The following RTN3 variants were observed in gnomAD, a reference collection of about 807,000 sequenced individuals.
The protein encoded by RTN3 is reticulon-3.
In RTN3, 49 loss-of-function variants were observed where a neutral mutation model predicts 77.8. The ratio of observed to expected loss-of-function variants is 0.63; its 90% CI spans 0.50 to 0.80. The LOEUF is 0.80. Ranked by LOEUF, RTN3 falls within the 30% of genes least tolerant of loss-of-function variation. The pLI is 0.00. For missense variants in RTN3, 1,236 were observed against 1,211.9 expected, an observed-to-expected ratio of 1.02 and a Z score of -0.29; for synonymous variants, 464 against 446.9, an observed-to-expected ratio of 1.04 and a Z score of -0.48.
At chr11:63,736,613 G>A (rs530520723) in intron 3 of RTN3, among the ~76,000 whole-genome samples, 4 of 152,228 alleles carry the variant, frequency 2.6e-5, no homozygotes, top group East Asian at 3.9e-4. Context: ...GCTTGAACCC[G>A]GGAGGCGGAG....
At chr11:63,698,629 T>A (rs1212483476) in intron 1 of RTN3, 1 of 173,126 alleles carries the variant, frequency 5.8e-6, no homozygotes, top group Non-Finnish European at 1.4e-5. Context: ...AATCTCAGCA[T>A]ACCTGGGAAA....
At position 63,720,806 on chromosome 11, in the gene RTN3, G is replaced by C. The variant is rs777853965; in HGVS notation, c.2304G>C (p.Leu768Phe). The change falls in exon 3 of 9, where the codon TTG becomes TTC. Residue 768 changes from leucine (L) to phenylalanine (F), a missense_variant. By Grantham distance (22) the Leu-to-Phe change is conservative. This residue lies in a region of RTN3 where 1,056 missense variants were observed against 990.4 expected (regional missense o/e 1.07). Transcript: ENST00000377819. ...CTTCTGCACAGCGTGACGCAGAATT[G>C]CCTTCTGAAGAAGTACTGAAGCAAA... Reference protein sequence around the residue: ...KSTSAQRDAELPSEEVLKQTF... With the variant: ...KSTSAQRDAEFPSEEVLKQTF... The C allele has an allele frequency of 1.4e-5, 23 of 1,613,988 alleles. No individual in the cohort carries two copies. Among genetic ancestry groups the C allele is most frequent in the Non-Finnish European group, 1.9e-5 (22 of 1,180,008 alleles).
At chr11:63,685,495 C>CAAAAAA (rs55888863) in intron 1 of RTN3, among the ~76,000 whole-genome samples, 8 of 115,668 alleles carry the variant, frequency 6.9e-5, no homozygotes, top group African/African-American at 2.0e-4. Flanking sequence ...GACTCCATCT[C>CAAAAAA]AAAAAAAAAA....
chr11:63,708,821 C>A lies in RTN3; in HGVS notation c.199+3914C>A, dbSNP rs1225915496. On this transcript the variant is annotated intron_variant, in intron 2 of 8. Coordinates refer to ENST00000377819, the MANE Select transcript of RTN3 (RefSeq NM_001265589.2). ...AGCAACAATTATATTTCAGCCTAATCCCTGAGAGTTTCAAAATAGTGGATT... is the reference window on the plus strand; with the variant it reads ...AGCAACAATTATATTTCAGCCTAATACCTGAGAGTTTCAAAATAGTGGATT... 4.6e-5 allele frequency among the ~76,000 whole-genome samples: 7 copies of A among 152,130 alleles called. No homozygotes were observed. In the East Asian group the frequency reaches 1.2e-3, roughly 25 times the overall value.
intron 1 of RTN3, among the ~76,000 whole-genome samples, chr11:63,695,529 T>C (rs1010996126): frequency 3.9e-5 from 6 of 152,138 alleles, no homozygotes; most frequent in Admixed American, 3.3e-4. Context: ...TCCAACCAGG[T>C]GGAGAATCCT....
intron 1 of RTN3, among the ~76,000 whole-genome samples, chr11:63,695,179 T>G (rs762148894): frequency 6.6e-6 from 1 of 152,236 alleles, no homozygotes; most frequent in African/African-American, 2.4e-5. Flanking sequence ...CGAAGATATG[T>G]AAGAGGGCTT....
intron 8 of RTN3, among the ~76,000 whole-genome samples, 180 bp downstream of exon 8, chr11:63,756,350 T>C (rs1425105222): frequency 1.3e-5 from 2 of 152,050 alleles, no homozygotes; most frequent in Non-Finnish European, 2.9e-5. Flanking sequence ...GGAAAAAAAA[T>C]CCTTTATATC....
At chr11:63,746,020 A>G (rs1250083514) in intron 3 of RTN3, among the ~76,000 whole-genome samples, 2 of 152,232 alleles carry the variant, frequency 1.3e-5, no homozygotes, top group African/African-American at 4.8e-5. Flanking sequence ...CATGTTGGCC[A>G]GGCTAGTTTC....
chr11:63,715,514 C>T (rs2011339691), intron 2 of RTN3, among the ~76,000 whole-genome samples: 1 of 152,036 alleles, frequency 6.6e-6, no homozygotes, highest in Non-Finnish European at 1.5e-5. Context: ...AAAAATTAGC[C>T]AGGTGCGGTG....
At chr11:63,703,472 G>C (rs1369101792) in intron 1 of RTN3, among the ~76,000 whole-genome samples, 1 of 152,066 alleles carries the variant, frequency 6.6e-6, no homozygotes, top group Non-Finnish European at 1.5e-5. Context: ...CAAAGCAAGT[G>C]ATAGGTGTAA....
chr11:63,689,493 C>G (rs953330384), intron 1 of RTN3, among the ~76,000 whole-genome samples: 4 of 152,100 alleles, frequency 2.6e-5, no homozygotes, highest in African/African-American at 9.7e-5. Flanking sequence ...ACATGTTACT[C>G]TGTGATATTG....
chr11:63,708,217 G>A (rs187786348), intron 2 of RTN3, among the ~76,000 whole-genome samples: 8 of 152,268 alleles, frequency 5.3e-5, no homozygotes, highest in South Asian at 4.1e-4. Context: ...CTTTGAGTCC[G>A]TCACTGACAC....
chr11:63,736,581 G>A (rs940501056), intron 3 of RTN3, among the ~76,000 whole-genome samples: 2 of 151,992 alleles, frequency 1.3e-5, no homozygotes, highest in African/African-American at 2.4e-5. Context: ...CCAGCTACTC[G>A]GGAGGCTGAG....
In RTN3 at chr11:63,752,594, G is replaced by A. The variant is rs2014163709; in HGVS notation, c.2826G>A (p.Leu942=). ...NAAMVHINRA[L]KLIIRLFLVE... Reference sequence around the variant, plus strand: ...CCATGGTGCACATCAACAGGGCCCTGAAACTCATTATTCGTCTCTTTCTGG... The same window carrying A: ...CCATGGTGCACATCAACAGGGCCCTAAAACTCATTATTCGTCTCTTTCTGG... Residue 942 remains leucine (L), a synonymous_variant, in exon 5 of 9, where the codon CTG becomes CTA. Transcript: ENST00000377819. 1 of 1,613,968 alleles carries A rather than the reference G, an allele frequency of 6.2e-7. No homozygotes were observed. Among genetic ancestry groups the A allele is most frequent in the Non-Finnish European group, 8.5e-7 (1 of 1,179,914 alleles).
intron 3 of RTN3, among the ~76,000 whole-genome samples, chr11:63,734,734 A>AACACACACACACACACACACACACACAC (rs754454322): frequency 2.5e-5 from 2 of 81,226 alleles, no homozygotes; most frequent in Admixed American, 2.9e-4. Flanking sequence ...TCTGTCTCAA[A>AACACACACACACACACACACACACACAC]ACACACACAC....
chr11:63,710,278 G>T (rs983744054), intron 2 of RTN3, among the ~76,000 whole-genome samples: 1 of 151,972 alleles, frequency 6.6e-6, no homozygotes, highest in African/African-American at 2.4e-5. Flanking sequence ...CAATCTTCCC[G>T]CCTCAGCCTC....
At position 63,718,996 on chromosome 11, in the gene RTN3, A is replaced by C. The variant is rs773005136; in HGVS notation, c.494A>C (p.His165Pro). The C allele has an allele frequency of 6.8e-6, 11 of 1,614,166 alleles. No homozygotes were observed. Reference sequence around the variant, plus strand: ...TCTATTCCAGCCAGTTTCCCAGAGCATCCTGCTTTTCTCTCAAAGAAAATT... The same window carrying C: ...TCTATTCCAGCCAGTTTCCCAGAGCCTCCTGCTTTTCTCTCAAAGAAAATT... ...RPSIPASFPE[H>P]PAFLSKKIGQ... The change falls in exon 3 of 9, where the codon CAT (histidine) becomes CCT (proline). Residue 165 changes from histidine to proline, a missense_variant. Around this residue, in one of 3 missense-constraint regions of RTN3, gnomAD observed 1,056 missense variants for 990.4 expected, o/e 1.07. Transcript: ENST00000377819.
chr11:63,737,339 G>A (rs549010442), intron 3 of RTN3, among the ~76,000 whole-genome samples: 15 of 152,320 alleles, frequency 9.8e-5, no homozygotes, highest in African/African-American at 1.4e-4. Context: ...AGGCATGCCG[G>A]TGTCTCATGC....
chr11:63,755,898 G>A lies in RTN3; in HGVS notation c.2995-214G>A, dbSNP rs183546566. On this transcript the variant is annotated intron_variant, in intron 7 of 8. Transcript: ENST00000377819. ...GGCGTGAACCCGGGAGGTGGAGCTT[G>A]CAGTGAGCCAAGATAGCGCCACTGC... Among the ~76,000 whole-genome samples, 6 of 151,972 alleles carry A rather than the reference G, an allele frequency of 3.9e-5. No homozygotes were observed. The East Asian group carries it at 1.2e-3, about 29-fold the overall frequency.
Sources: gnomAD v4.1 joint callset for allele counts (sites outside exome capture counted in the v4.1 genomes callset) on GRCh38, gnomAD v4.1.1 for gene constraint, gnomAD v4.1.1 regional missense constraint, MANE v1.5 for transcripts, NCBI Gene and HGNC (gene_info 2026-07-23, HGNC 2026-07-21) for gene names.